Variants in FLNB observed in about 807,000 individuals in gnomAD.
The protein encoded by FLNB is filamin B, also known as filamin-B.
Under a neutral mutation model 250.6 loss-of-function variants are expected in FLNB, and 111 were observed. The ratio of observed to expected loss-of-function variants is 0.44; its 90% CI spans 0.38 to 0.52. FLNB has a LOEUF of 0.52. Ranked by LOEUF, FLNB falls within the 20% of genes least tolerant of loss-of-function variation. FLNB has a pLI of 0.00. For missense variants in FLNB, 2,869 were observed against 3,447.8 expected (o/e 0.83, Z 4.20); for synonymous variants, 1,302 against 1,372.1 (o/e 0.95, Z 1.13).
At chr3:58,068,937 G>A (rs1002010192) in intron 1 of FLNB, among the ~76,000 whole-genome samples, 16 of 152,064 alleles carry the variant, frequency 1.1e-4, no homozygotes, top group African/African-American at 3.9e-4. Context: ...TTAAGGAGGG[G>A]CCAGTTTGTG....
intron 18 of FLNB, among the ~76,000 whole-genome samples, chr3:58,115,030 A>G (rs2097275476): frequency 6.6e-6 from 1 of 152,172 alleles, no homozygotes; most frequent in Non-Finnish European, 1.5e-5. Context: ...TCTCGTGTGC[A>G]GGTTATAAAC....
rs202241565 is a variant in FLNB at position 58,077,281 on chromosome 3, C to G, written c.528C>G (p.Asp176Glu). 21 of 1,614,068 alleles carry G rather than the reference C, an allele frequency of 1.3e-5. No homozygotes were observed. The highest frequency in any genetic ancestry group is 1.7e-4 in the Middle Eastern group (1 of 6,060). Residue 176 changes from aspartate to glutamate, a missense_variant, in exon 2 of 46, where the codon GAC becomes GAG. Physicochemically the swap from Asp to Glu is conservative, Grantham distance 45 (BLOSUM62 2). Around this residue, in one of 5 missense-constraint regions of FLNB, gnomAD observed 308 missense variants for 466.1 expected, o/e 0.66. Coordinates refer to ENST00000295956, the MANE Select transcript of FLNB (RefSeq NM_001457.4). ...QDGKALGALV[D>E]SCAPGLCPDW... The stretch of plus-strand genomic sequence containing the variant: ...GCAAAGCCCTGGGAGCCCTGGTAGA[C>G]AGCTGTGCTCCAGGTAAGTGGCCAG...
At chr3:58,083,367 C>CTTTTTTTTTTTTT (rs71091341) in intron 4 of FLNB, among the ~76,000 whole-genome samples, 2 of 91,488 alleles carry the variant, frequency 2.2e-5, no homozygotes, top group Non-Finnish European at 4.2e-5. Flanking sequence ...TCAGCTTAGT[C>CTTTTTTTTTTTTT]TTTTTTTTTT....
At chr3:58,071,530 C>T (rs2097194566) in intron 1 of FLNB, among the ~76,000 whole-genome samples, 1 of 152,068 alleles carries the variant, frequency 6.6e-6, no homozygotes, top group African/African-American at 2.4e-5. Context: ...CCTCCTGCCT[C>T]GGCCTCCCAA....
intron 12 of FLNB, among the ~76,000 whole-genome samples, 165 bp from the exon 13 acceptor site, chr3:58,108,293 A>G (rs1031578715): frequency 5.3e-5 from 8 of 152,088 alleles, no homozygotes; most frequent in African/African-American, 1.9e-4. Flanking sequence ...TTAAGTTACA[A>G]CCTACTTTAG....
chr3:58,084,551 C>CT (rs78254135), intron 4 of FLNB, among the ~76,000 whole-genome samples: 1,744 of 145,274 alleles, frequency 0.012, 37 homozygotes, highest in African/African-American at 0.042. Context: ...GAAACACACC[C>CT]TTTTAAAAAA....
At chr3:58,157,977 T>C (rs1423434343) in intron 41 of FLNB, among the ~76,000 whole-genome samples, 4 of 152,136 alleles carry the variant, frequency 2.6e-5, no homozygotes, top group Admixed American at 6.5e-5. Flanking sequence ...CCGAGTGATA[T>C]GTAAATTATT....
intron 25 of FLNB, chr3:58,132,291 G>A (rs2097308742): frequency 4.2e-6 from 2 of 472,738 alleles, no homozygotes; most frequent in African/African-American, 2.0e-5. Context: ...CATGAGATTG[G>A]CACCCTCACC....
At chr3:58,064,367 C>T (rs1046570504) in intron 1 of FLNB, among the ~76,000 whole-genome samples, 1 of 152,070 alleles carries the variant, frequency 6.6e-6, no homozygotes. Flanking sequence ...TCCTGAGTTT[C>T]GCCAGGCTGG....
intron 4 of FLNB, among the ~76,000 whole-genome samples, chr3:58,087,644 G>C (rs903286760): frequency 6.6e-6 from 1 of 152,116 alleles, no homozygotes; most frequent in African/African-American, 2.4e-5. Flanking sequence ...TAGAGATGGG[G>C]TTTCACCATC....
intron 16 of FLNB, 44 bp downstream of exon 16, chr3:58,110,214 A>G (rs2097266131): frequency 6.3e-7 from 1 of 1,598,882 alleles, no homozygotes; most frequent in Non-Finnish European, 8.6e-7. Flanking sequence ...GTAGGCCTGG[A>G]TTCTCTTTGG....
chr3:58,069,058 G>A (rs1718475), intron 1 of FLNB, among the ~76,000 whole-genome samples: 6,692 of 151,056 alleles, frequency 0.044, 439 homozygotes, highest in African/African-American at 0.15. Context: ...TGGAAGGATC[G>A]CTTGAGCCCA....
chr3:58,154,960 T>C (rs1452082451), intron 40 of FLNB, 32 bp downstream of exon 40: 7 of 1,610,048 alleles, frequency 4.3e-6, no homozygotes, highest in Non-Finnish European at 6.0e-6. Context: ...GAGGACATTT[T>C]CCTTGTTTGA....
chr3:58,080,827 T>C (rs78429965), intron 3 of FLNB, among the ~76,000 whole-genome samples: 3,072 of 149,090 alleles, frequency 0.021, 97 homozygotes, highest in African/African-American at 0.061. Flanking sequence ...GTCTTACTCC[T>C]CTGTTACCCA....
At chr3:58,130,598 A>T in intron 24 of FLNB, 143 bp from the exon 25 acceptor site, 1 of 722,248 alleles carries the variant, frequency 1.4e-6, no homozygotes. Context: ...TAGGCACATG[A>T]GCAGTGCACA....
intron 1 of FLNB, among the ~76,000 whole-genome samples, chr3:58,071,274 C>CTTTTTT (rs57488190): frequency 1.2e-5 from 1 of 81,602 alleles, no homozygotes; most frequent in Non-Finnish European, 2.1e-5. Context: ...CTCCTCGATT[C>CTTTTTT]TTTTTTTTTT....
intron 1 of FLNB, among the ~76,000 whole-genome samples, chr3:58,040,679 G>C (rs1296556690): frequency 6.6e-6 from 1 of 152,132 alleles, no homozygotes. Flanking sequence ...ATTTTTAGTA[G>C]AGACGGGGTT....
Position 58,109,221 on chromosome 3 carries a change from A to C in FLNB, c.2098A>C (p.Met700Leu), listed in dbSNP as rs762991925. 8.7e-6 allele frequency: 14 copies of C among 1,614,220 alleles called. No homozygotes were observed. The highest frequency in any genetic ancestry group is 1.7e-5 in the Admixed American group (1 of 60,032). Reference sequence around the variant, plus strand: ...CATTGACATCCAGATGAAGAACCGGATGGACGGCACATATGCATGCTCATA... The same window carrying C: ...CATTGACATCCAGATGAAGAACCGGCTGGACGGCACATATGCATGCTCATA... The part of the protein sequence containing the change: ...QRIDIQMKNR[M>L]DGTYACSYTP... Residue 700 changes from methionine (M) to leucine (L), a missense_variant, in exon 14 of 46, where the codon ATG becomes CTG. Around this residue, in one of 5 missense-constraint regions of FLNB, gnomAD observed 1,348 missense variants for 1,466.7 expected, o/e 0.92. Coordinates refer to ENST00000295956, the MANE Select transcript of FLNB (RefSeq NM_001457.4).
At chr3:58,068,904 A>C (rs1357381959) in intron 1 of FLNB, among the ~76,000 whole-genome samples, 1 of 152,170 alleles carries the variant, frequency 6.6e-6, no homozygotes, top group East Asian at 1.9e-4. Flanking sequence ...CCAGGTGAGC[A>C]TGGGGCACAG....
Sources: gnomAD v4.1 joint callset for allele counts (sites outside exome capture counted in the v4.1 genomes callset) on GRCh38, gnomAD v4.1.1 for gene constraint, gnomAD v4.1.1 regional missense constraint, MANE v1.5 for transcripts, NCBI Gene and HGNC (gene_info 2026-07-23, HGNC 2026-07-21) for gene names.